Variants in PZP observed in about 807,000 individuals in gnomAD.
PZP encodes the protein PZP alpha-2-macroglobulin like, also known as pregnancy zone protein.
Under a neutral mutation model 179.8 loss-of-function variants are expected in PZP, and 150 were observed. That is an observed-to-expected ratio of 0.83 (90% CI 0.73 to 0.96). The LOEUF (loss-of-function observed/expected upper bound fraction) is 0.96. PZP is among the 40% of genes least tolerant of loss of function. The probability of loss-of-function intolerance (pLI) is 0.00; values close to 1 mark genes in which losing one functional copy is unlikely to be tolerated. For synonymous variants in PZP, 624 were observed against 652.3 expected (o/e 0.96, Z 0.66); for missense variants, 1,689 against 1,764.0 (o/e 0.96, Z 0.76).
chr12:9,204,855 G>A (rs1359452148), intron 1 of PZP, among the ~76,000 whole-genome samples: 1 of 152,150 alleles, frequency 6.6e-6, no homozygotes, highest in Non-Finnish European at 1.5e-5. Flanking sequence ...GGCACTTTGG[G>A]AGGCTGAGGC....
At position 9,197,086 on chromosome 12, in the gene PZP, C is replaced by T. The variant is rs759088112; in HGVS notation, c.793G>A (p.Val265Met). The T allele has an allele frequency of 6.8e-6, 11 of 1,613,450 alleles. No homozygotes were observed. Among genetic ancestry groups the T allele is most frequent in the Admixed American group, 3.3e-5 (2 of 59,962 alleles). ...YGKPVPGLATVSLCRKLSRVL... is the reference protein window; with the variant it reads ...YGKPVPGLATMSLCRKLSRVL... The stretch of plus-strand genomic sequence containing the variant: ...CGAGATAATTTTCTACACAGGCTCA[C>T]AGTTGCAAGTCCTGGGACAGGCTTC... The change falls in exon 8 of 36, where the codon GTG (valine) becomes ATG (methionine). Residue 265 changes from valine to methionine, a missense_variant. Val to Met is a conservative substitution (Grantham distance 21). This residue lies in a region of PZP where 742 missense variants were observed against 730.5 expected (regional missense o/e 1.02). Coordinates refer to ENST00000261336, the MANE Select transcript of PZP (RefSeq NM_002864.3).
intron 2 of PZP, among the ~76,000 whole-genome samples, chr12:9,203,144 G>A (rs1243023376): frequency 6.6e-6 from 1 of 152,058 alleles, no homozygotes; most frequent in East Asian, 1.9e-4. Context: ...TGTCCAGCCC[G>A]ATCCTTAAAG....
chr12:9,205,100 A>C (rs1471731494), intron 1 of PZP, among the ~76,000 whole-genome samples: 1 of 152,314 alleles, frequency 6.6e-6, no homozygotes, highest in South Asian at 2.1e-4. Context: ...TTCAAAAAAA[A>C]ACAAAACAAA....
chr12:9,188,945 T>C (rs1943292352), intron 13 of PZP, among the ~76,000 whole-genome samples: 1 of 151,920 alleles, frequency 6.6e-6, no homozygotes, highest in Non-Finnish European at 1.5e-5. Flanking sequence ...AATGGTCATA[T>C]TGCCCAAAGA....
At chr12:9,142,270 G>C in the PZP span, among the ~76,000 whole-genome samples, 1 of 152,152 alleles carries the variant, frequency 6.6e-6, no homozygotes, top group South Asian at 2.1e-4. Flanking sequence ...AATAGTTCAA[G>C]ATGAAGCTAT....
chr12:9,149,724 A>G lies in PZP; in HGVS notation c.4385-122T>C, dbSNP rs1200742726. 1.3e-5 allele frequency: 10 copies of G among 775,402 alleles called. No individual in the cohort carries two copies. In the East Asian group the frequency reaches 1.8e-4, roughly 14 times the overall value. 48.0% of individuals were successfully genotyped at this position (775,402 alleles called of 1,614,324 possible). ...GCCCTATCAGAATTGTCAAAACTTC[A>G]TGTAAATAGACAAGAATTAAACAGG... On this transcript the variant is annotated intron_variant, in intron 34 of 35. Transcript: ENST00000261336.
chr12:9,145,433 A>G (rs968667667), downstream of PZP, among the ~76,000 whole-genome samples: 5 of 152,200 alleles, frequency 3.3e-5, no homozygotes, highest in Non-Finnish European at 7.3e-5. Context: ...GTTTAATCAC[A>G]TACAAAAACT....
chr12:9,180,071 T>C (rs1209968008), intron 15 of PZP, among the ~76,000 whole-genome samples: 1 of 152,198 alleles, frequency 6.6e-6, no homozygotes, highest in Non-Finnish European at 1.5e-5. Flanking sequence ...AACTATCAAG[T>C]ACTCGGCAAG....
intron 28 of PZP, among the ~76,000 whole-genome samples, chr12:9,155,368 A>G (rs997115022): frequency 6.6e-6 from 1 of 151,770 alleles, no homozygotes; most frequent in Admixed American, 6.6e-5. Flanking sequence ...AACTACTTCC[A>G]TTGTAGGTGA....
downstream of PZP, among the ~76,000 whole-genome samples, chr12:9,145,182 G>A (rs1021612526): frequency 3.0e-4 from 46 of 152,144 alleles, no homozygotes; most frequent in Admixed American, 1.5e-3. Context: ...AGTAATTGTT[G>A]ATAGGGGAAG....
intron 13 of PZP, among the ~76,000 whole-genome samples, chr12:9,185,081 A>G (rs1038632296): frequency 7.2e-5 from 11 of 152,236 alleles, no homozygotes; most frequent in Non-Finnish European, 1.5e-4. Context: ...TAGGGCTGAG[A>G]TGGCTGAAAT....
At chr12:9,172,412 A>G (rs919191724) in intron 15 of PZP, among the ~76,000 whole-genome samples, 3 of 152,152 alleles carry the variant, frequency 2.0e-5, no homozygotes, top group Admixed American at 6.5e-5. Flanking sequence ...AGGCCAGAAC[A>G]CTATGAAGCA....
chr12:9,157,893 T>A (rs749066396), intron 26 of PZP, 52 bp from the exon 27 acceptor site: 1 of 1,446,894 alleles, frequency 6.9e-7, no homozygotes, highest in South Asian at 1.2e-5. Context: ...GTTAGTATAT[T>A]CTCTTCTGTT....
chr12:9,184,057 GA>G (rs1178238504), intron 13 of PZP, among the ~76,000 whole-genome samples: 3 of 152,080 alleles, frequency 2.0e-5, no homozygotes, highest in South Asian at 2.1e-4. Flanking sequence ...CATAAAACCA[GA>G]AAAAAAATTA....
intron 8 of PZP, 66 bp from the exon 9 acceptor site, chr12:9,196,751 T>C: frequency 1.4e-6 from 2 of 1,387,692 alleles, no homozygotes; most frequent in South Asian, 1.2e-5. Context: ...GAATCTACTA[T>C]TCTGTCTCTA....
chr12:9,158,752 C>CTTTTTTTT (rs200458490), intron 25 of PZP, among the ~76,000 whole-genome samples, 176 bp from the exon 26 acceptor site: 5 of 97,814 alleles, frequency 5.1e-5, no homozygotes, highest in African/African-American at 1.2e-4. Flanking sequence ...TTTTTCTTTT[C>CTTTTTTTT]TTTTCTTTTT....
the PZP span, among the ~76,000 whole-genome samples, chr12:9,140,169 T>TA: frequency 6.6e-6 from 1 of 152,122 alleles, no homozygotes; most frequent in African/African-American, 2.4e-5. Flanking sequence ...AGTTTTTGGG[T>TA]AGTTGTCTGT....
the PZP span, among the ~76,000 whole-genome samples, chr12:9,137,605 T>C: frequency 3.8e-4 from 58 of 152,212 alleles, no homozygotes; most frequent in Middle Eastern, 3.4e-3. Flanking sequence ...AATCTATAGA[T>C]TGCTTTTGAT....
intron 12 of PZP, 33 bp downstream of exon 12, chr12:9,192,479 A>G (rs1943514667): frequency 1.3e-6 from 2 of 1,578,230 alleles, no homozygotes; most frequent in Non-Finnish European, 1.7e-6. Context: ...CCTACTGATA[A>G]GCTGCAATTG....
Sources: gnomAD v4.1 joint callset for allele counts (sites outside exome capture counted in the v4.1 genomes callset) on GRCh38, gnomAD v4.1.1 for gene constraint, gnomAD v4.1.1 regional missense constraint, MANE v1.5 for transcripts, NCBI Gene and HGNC (gene_info 2026-07-23, HGNC 2026-07-21) for gene names.